The following TCF15 variants were observed in gnomAD, a reference collection of about 807,000 sequenced individuals.
TCF15 encodes the protein transcription factor 15, also known as TCF-15.
TCF15 carries 7 observed loss-of-function variants against 11.1 expected under a neutral mutation model. That is an observed-to-expected ratio of 0.63 (90% CI 0.36 to 1.19). The LOEUF is 1.19. TCF15 is among the 50% of genes most tolerant of loss of function. The pLI is 0.02. For missense variants in TCF15, 288 were observed against 289.4 expected (o/e 1.00, Z 0.03); for synonymous variants, 144 against 138.9 (o/e 1.04, Z -0.26).
At chr20:608,317 CAACAGAAGGCAGCT>C (rs2019993077) in intron 1 of TCF15, among the ~76,000 whole-genome samples, 1 of 152,162 alleles carries the variant, frequency 6.6e-6, no homozygotes, top group African/African-American at 2.4e-5. Flanking sequence ...TTCTCAGAGC[CAACAGAAGGCAGCT>C]GTTGGGTAGC....
chr20:606,506 G>T (rs1205227398), intron 1 of TCF15, among the ~76,000 whole-genome samples: 1 of 152,150 alleles, frequency 6.6e-6, no homozygotes, highest in Non-Finnish European at 1.5e-5. Flanking sequence ...TGTGTAAGCT[G>T]CTAAGTGTAC....
Position 609,511 on chromosome 20 carries a change from C to A in TCF15, c.525+202G>T, listed in dbSNP as rs1357971061. ...TGAGCAGTTAAATCAGACCCGAACT[C>A]TGGGTTTTCCCGCATCCTTCTGTTT... On this transcript the variant is annotated intron_variant, in intron 1 of 1. Coordinates refer to ENST00000246080, the MANE Select transcript of TCF15 (RefSeq NM_004609.4). This position sits in a 1 kb window ranked among gnomAD's most constrained non-coding sequence, Gnocchi z 4.7. Among the ~76,000 whole-genome samples, 1 of 152,168 alleles carries A rather than the reference C, an allele frequency of 6.6e-6. No individual in the cohort carries two copies. Among genetic ancestry groups the A allele is most frequent in the Non-Finnish European group, 1.5e-5 (1 of 68,028 alleles).
At chr20:606,817 C>CAA (rs529592184) in intron 1 of TCF15, among the ~76,000 whole-genome samples, 8 of 66,148 alleles carry the variant, frequency 1.2e-4, no homozygotes, top group South Asian at 5.0e-4. Flanking sequence ...GACTCCATCG[C>CAA]AAAAAAAAAA....
In TCF15 at chr20:609,564, C is replaced by T. The variant is rs1336978386; in HGVS notation, c.525+149G>A. On this transcript the variant is annotated intron_variant, in intron 1 of 1. Coordinates refer to ENST00000246080, the MANE Select transcript of TCF15 (RefSeq NM_004609.4). This position sits in a 1 kb window ranked among gnomAD's most constrained non-coding sequence, Gnocchi z 4.7. ...GGGCCTGGGCATTAAGTCAGTGGTT[C>T]TGGGCTTGGGGTGCCGCACCCAGCA... is the stretch of plus-strand genomic sequence containing the variant. 1.0e-6 allele frequency: 1 copy of T among 957,900 alleles called. No homozygotes were observed. Among genetic ancestry groups the T allele is most frequent in the African/African-American group, 1.7e-5 (1 of 57,896 alleles). 59.3% of individuals were successfully genotyped at this position (957,900 alleles called of 1,614,324 possible). A position where few individuals can be genotyped will look rare whatever the true frequency, so the allele number is the denominator to read the frequency against.
rs768598657 is a variant in TCF15 at position 604,699 on chromosome 20, G to A, written c.526-34C>T. ...GGGGAGAAAGAGTATAAAGAGGTTC[G>A]ATTAGGCCAGTGTGAACACTGGAAC... On this transcript the variant is annotated intron_variant, in intron 1 of 1. Coordinates refer to ENST00000246080, the MANE Select transcript of TCF15 (RefSeq NM_004609.4). This position sits in a 1 kb window ranked among gnomAD's most constrained non-coding sequence, Gnocchi z 4.2. 5.9e-6 allele frequency: 9 copies of A among 1,513,986 alleles called. No individual in the cohort carries two copies. The highest frequency in any genetic ancestry group is 1.2e-5 in the South Asian group (1 of 80,532). 93.8% of individuals were successfully genotyped at this position (1,513,986 alleles called of 1,614,324 possible).
In TCF15 at chr20:609,168, A is replaced by C. The variant is rs892750848; in HGVS notation, c.525+545T>G. Reference sequence around the variant, plus strand: ...TCTCAGTCTCCTGCTCTTGGGTTAGATCTTAGGACAGGGGACAATTATTTC... The same window carrying C: ...TCTCAGTCTCCTGCTCTTGGGTTAGCTCTTAGGACAGGGGACAATTATTTC... On this transcript the variant is annotated intron_variant, in intron 1 of 1. Coordinates refer to ENST00000246080, the MANE Select transcript of TCF15 (RefSeq NM_004609.4). This position sits in a 1 kb window ranked among gnomAD's most constrained non-coding sequence, Gnocchi z 4.7. Among the ~76,000 whole-genome samples the C allele has an allele frequency of 1.3e-5, 2 of 151,876 alleles. No homozygotes were observed. The highest frequency in any genetic ancestry group is 4.8e-5 in the African/African-American group (2 of 41,320).
Position 610,049 on chromosome 20 carries a change from G to A in TCF15, c.189C>T (p.Gly63=). The A allele has an allele frequency of 8.8e-7, 1 of 1,131,710 alleles. No individual in the cohort carries two copies. Among genetic ancestry groups the A allele is most frequent in the Non-Finnish European group, 1.1e-6 (1 of 925,060 alleles). 70.1% of individuals were successfully genotyped at this position (1,131,710 alleles called of 1,614,324 possible). The change falls in exon 1 of 2, where the codon GGC becomes GGT. Residue 63 remains glycine (G), a synonymous_variant. Transcript: ENST00000246080. ...PGGGRRAGGG[G]GAGPVVVVRQ... ...GCACCACCACCACGGGGCCCGCGCCGCCGCCGCCGCCCGCCCGCCGCCCGC... is the reference window on the plus strand; with the variant it reads ...GCACCACCACCACGGGGCCCGCGCCACCGCCGCCGCCCGCCCGCCGCCCGC...
In TCF15 at chr20:610,211, G is replaced by A. The variant is rs45526442; in HGVS notation, c.27C>T (p.Val9=). 37 of 1,028,748 alleles carry A rather than the reference G, an allele frequency of 3.6e-5. No individual in the cohort carries two copies. The East Asian group carries it at 3.2e-3, about 90-fold the overall frequency. The allele number at this position is 1,028,748 out of a possible 1,614,324, so 63.7% of individuals were successfully genotyped here. A position where few individuals can be genotyped will look rare whatever the true frequency, so the allele number is the denominator to read the frequency against. MAFALLRP[V]GAHVLYPDVR... ...CGTCCGGGTACAGCACGTGCGCGCC[G>A]ACGGGCCGCAGCAGCGCGAACGCCA... is the stretch of plus-strand genomic sequence containing the variant. Residue 9 remains valine, a synonymous_variant, in exon 1 of 2, where the codon GTC becomes GTT. Coordinates refer to ENST00000246080, the MANE Select transcript of TCF15 (RefSeq NM_004609.4).
chr20:610,055 G>GCCGC lies in TCF15; in HGVS notation c.179_182dup (p.Gly62ArgfsTer120), dbSNP rs1175037596. The GCCGC allele has an allele frequency of 5.4e-6, 6 of 1,104,800 alleles. No individual in the cohort carries two copies. The highest frequency in any genetic ancestry group is 5.2e-5 in the Admixed American group (1 of 19,122). The allele number at this position is 1,104,800 out of a possible 1,614,324, so 68.4% of individuals were successfully genotyped here. A position where few individuals can be genotyped will look rare whatever the true frequency, so the allele number is the denominator to read the frequency against. ...CCACCACGGGGCCCGCGCCGCCGCCGCCGCCCGCCCGCCGCCCGCCCCCGG... is the reference window on the plus strand; with the variant it reads ...CCACCACGGGGCCCGCGCCGCCGCCGCCGCCCGCCCGCCCGCCGCCCGCCCCCGG... On this transcript the variant is annotated frameshift_variant, in exon 1 of 2. Transcript: ENST00000246080. LOFTEE classifies it high-confidence loss of function.
rs1011589936 is a variant in TCF15, at chr20:604,276, T to C, written c.*315A>G. Reference sequence around the variant, plus strand: ...GACGTCTTTTATTTAAAAATAGCTTTTATTTTAAACTCACCAATTCTCTCT... The same window carrying C: ...GACGTCTTTTATTTAAAAATAGCTTCTATTTTAAACTCACCAATTCTCTCT... On this transcript the variant is annotated 3_prime_UTR_variant, in exon 2 of 2. Transcript: ENST00000246080. This position sits in a 1 kb window ranked among gnomAD's most constrained non-coding sequence, Gnocchi z 4.2. The C allele has an allele frequency of 2.7e-5, 11 of 409,842 alleles. No individual in the cohort carries two copies. Among genetic ancestry groups the C allele is most frequent in the Admixed American group, 4.2e-5 (1 of 23,662 alleles). The allele number at this position is 409,842 out of a possible 1,614,324, so 25.4% of individuals were successfully genotyped here. A position where few individuals can be genotyped will look rare whatever the true frequency, so the allele number is the denominator to read the frequency against.
intron 1 of TCF15, among the ~76,000 whole-genome samples, chr20:605,003 G>GT (rs1217584398): frequency 2.6e-5 from 4 of 152,224 alleles, no homozygotes; most frequent in African/African-American, 9.6e-5. Flanking sequence ...ATGCTATACT[G>GT]TTTTTTGAGA....
At position 605,201 on chromosome 20, in the gene TCF15, C is replaced by G. The variant is rs139633465; in HGVS notation, c.526-536G>C. Among the ~76,000 whole-genome samples the G allele has an allele frequency of 3.4e-3, 523 of 152,280 alleles. 4 individuals are homozygous for G. Among genetic ancestry groups the G allele is most frequent in the African/African-American group, 0.012 (504 of 41,564 alleles). ...ACTTTTTTACCTTTTCTACTTCTTT[C>G]CCATATGATCTGTTGCTTAAAAAAA... On this transcript the variant is annotated intron_variant, in intron 1 of 1. Transcript: ENST00000246080.
At chr20:605,445 G>A (rs2019965410) in intron 1 of TCF15, among the ~76,000 whole-genome samples, 1 of 152,208 alleles carries the variant, frequency 6.6e-6, no homozygotes, top group South Asian at 2.1e-4. Context: ...TCCTGAAATT[G>A]CCTAGCACTT....
At chr20:605,816 C>A (rs1301160401) in intron 1 of TCF15, among the ~76,000 whole-genome samples, 1 of 152,232 alleles carries the variant, frequency 6.6e-6, no homozygotes, top group South Asian at 2.1e-4. Context: ...TAAAGCACCC[C>A]CTCTTTTGAG....
chr20:604,860 G>A lies in TCF15; in HGVS notation c.526-195C>T, dbSNP rs1454544627. Among the ~76,000 whole-genome samples, 1 of 152,120 alleles carries A rather than the reference G, an allele frequency of 6.6e-6. No homozygotes were observed. Among genetic ancestry groups the A allele is most frequent in the Non-Finnish European group, 1.5e-5 (1 of 68,022 alleles). ...CTGCTGCCAAATGACAATGTTTAGG[G>A]ACAAAAGCAAGGGGCAGGCTGAATG... is the stretch of plus-strand genomic sequence containing the variant. On this transcript the variant is annotated intron_variant, in intron 1 of 1. Coordinates refer to ENST00000246080, the MANE Select transcript of TCF15 (RefSeq NM_004609.4). This position sits in a 1 kb window ranked among gnomAD's most constrained non-coding sequence, Gnocchi z 4.2.
In TCF15 at chr20:604,557, G is replaced by C. The variant is rs2019956295; in HGVS notation, c.*34C>G. On this transcript the variant is annotated 3_prime_UTR_variant, in exon 2 of 2. Transcript: ENST00000246080. This position sits in a 1 kb window ranked among gnomAD's most constrained non-coding sequence, Gnocchi z 4.2. ...GGTCTTCTTCCCTGTCCAGCCAGTG[G>C]CTGGCTCCTGGCCTCCTTCTCCAGG... 8.4e-6 allele frequency: 13 copies of C among 1,540,006 alleles called. No homozygotes were observed. In the East Asian group the frequency reaches 3.2e-4, roughly 38 times the overall value.
chr20:608,936 C>T (rs1340780413), intron 1 of TCF15, among the ~76,000 whole-genome samples: 2 of 152,202 alleles, frequency 1.3e-5, no homozygotes, highest in African/African-American at 4.8e-5. Flanking sequence ...ACAGCCCCCG[C>T]CCACCCCTAC....
chr20:609,777 GCGGCGGGGACGGCGC>G lies in TCF15; in HGVS notation c.446_460del (p.Gly149_Ala153del), dbSNP rs758874613. ...GCGCGGCTGGCGGCCGCCGTCGGCG[GCGGCGGGGACGGCGC>G]CCTTGGCACTGCCCGCGGCACGGAA... On this transcript the variant is annotated inframe_deletion, in exon 1 of 2. Coordinates refer to ENST00000246080, the MANE Select transcript of TCF15 (RefSeq NM_004609.4). This position sits in a 1 kb window ranked among gnomAD's most constrained non-coding sequence, Gnocchi z 4.7. 2.8e-6 allele frequency: 4 copies of G among 1,414,772 alleles called. No homozygotes were observed. Among genetic ancestry groups the G allele is most frequent in the Non-Finnish European group, 2.7e-6 (3 of 1,097,464 alleles). 87.6% of individuals were successfully genotyped at this position (1,414,772 alleles called of 1,614,324 possible).
chr20:604,562 C>T lies in TCF15; in HGVS notation c.*29G>A, dbSNP rs780593551. 15 of 1,546,696 alleles carry T rather than the reference C, an allele frequency of 9.7e-6. No homozygotes were observed. The highest frequency in any genetic ancestry group is 1.2e-5 in the Non-Finnish European group (14 of 1,142,924). ...TCTTCCCTGTCCAGCCAGTGGCTGG[C>T]TCCTGGCCTCCTTCTCCAGGGTCCA... On this transcript the variant is annotated 3_prime_UTR_variant, in exon 2 of 2. Transcript: ENST00000246080. The surrounding 1 kb of genome is among the most constrained non-coding windows in gnomAD (Gnocchi z 4.2).
Sources: allele counts gnomAD v4.1 joint callset (sites outside exome capture counted in the v4.1 genomes callset), GRCh38; gene constraint gnomAD v4.1.1; non-coding constraint Gnocchi (gnomAD v3.1); transcripts MANE v1.5; gene names NCBI Gene and HGNC (gene_info 2026-07-23, HGNC 2026-07-21).